Variants in ASH2L observed in about 807,000 individuals in gnomAD.
The protein encoded by ASH2L is set1/Ash2 histone methyltransferase complex subunit ASH2.
A neutral mutation model predicts 81.1 loss-of-function variants in ASH2L; 30 were observed. The observed-to-expected ratio is 0.37, with a 90% CI of 0.28 to 0.50. ASH2L has a LOEUF of 0.50. Ranked by LOEUF, ASH2L falls within the 20% of genes least tolerant of loss-of-function variation. The pLI, the probability that ASH2L is intolerant of heterozygous loss-of-function variation, is 0.95. For missense variants in ASH2L, 559 were observed against 792.1 expected, an observed-to-expected ratio of 0.71 and a Z score of 3.53; for synonymous variants, 273 against 279.9, an observed-to-expected ratio of 0.98 and a Z score of 0.24.
intron 12 of ASH2L, 23 bp downstream of exon 12, chr8:38,128,974 G>T (rs775855564): frequency 2.4e-5 from 38 of 1,601,806 alleles, no homozygotes; most frequent in Non-Finnish European, 1.7e-5. Flanking sequence ...TCTCCCGGCA[G>T]ATTCCTGGCT....
Position 38,128,310 on chromosome 8 carries a change from A to G in ASH2L, c.1185A>G (p.Ser395=), listed in dbSNP as rs1167300032. 1 of 1,614,072 alleles carries G rather than the reference A, an allele frequency of 6.2e-7. No homozygotes were observed. Among genetic ancestry groups the G allele is most frequent in the East Asian group, 2.2e-5 (1 of 44,900 alleles). ...LHDRAPQLKI[S]DDRLTVVGEK... is the part of the protein sequence containing the mutation. ...CCGCAGCTCCCCAGTTAAAGATCTC[A>G]GATGACCGGCTGACTGTGGTTGGAG... is the stretch of plus-strand genomic sequence containing the variant. The change falls in exon 11 of 16, where the codon TCA becomes TCG. Residue 395 remains serine, a synonymous_variant. Transcript: ENST00000343823.
At chr8:38,111,148 C>T (rs758205330) in intron 5 of ASH2L, among the ~76,000 whole-genome samples, 28 of 152,226 alleles carry the variant, frequency 1.8e-4, no homozygotes, top group Non-Finnish European at 3.5e-4. Flanking sequence ...GTTGGCCAGG[C>T]TCATCTCCAA....
In ASH2L at chr8:38,106,946, C is replaced by G. The variant is rs564457289; in HGVS notation, c.256-75C>G. 91 of 1,551,876 alleles carry G rather than the reference C, an allele frequency of 5.9e-5. No homozygotes were observed. In the African/African-American group the frequency reaches 1.1e-3, roughly 18 times the overall value. On this transcript the variant is annotated intron_variant, in intron 2 of 15. Transcript: ENST00000343823. ...AGCCTGGGCAACATAGGGAGACCCCCGTCTCTTAAAAAAATAAAATAAAGT... is the reference window on the plus strand; with the variant it reads ...AGCCTGGGCAACATAGGGAGACCCCGGTCTCTTAAAAAAATAAAATAAAGT...
At chr8:38,118,999 C>T (rs1287683298) in intron 8 of ASH2L, 8 of 312,516 alleles carry the variant, frequency 2.6e-5, no homozygotes, top group Non-Finnish European at 4.7e-5. Context: ...CCAATAGTTG[C>T]AGTTTATTAG....
intron 10 of ASH2L, chr8:38,122,447 T>C (rs1288865992): frequency 6.6e-6 from 1 of 152,126 alleles, no homozygotes; most frequent in Non-Finnish European, 1.5e-5. Context: ...TGTGCAAGAA[T>C]AACACACAAA....
chr8:38,118,678 G>A (rs1168959710), intron 8 of ASH2L, among the ~76,000 whole-genome samples: 1 of 152,236 alleles, frequency 6.6e-6, no homozygotes, highest in Non-Finnish European at 1.5e-5. Flanking sequence ...TGGAGATCTA[G>A]CAGTACTGGA....
intron 14 of ASH2L, among the ~76,000 whole-genome samples, chr8:38,136,772 CAAAAAA>C (rs77626059): frequency 8.4e-6 from 1 of 119,084 alleles, no homozygotes; most frequent in Admixed American, 8.8e-5. Flanking sequence ...GACTCTGTGT[CAAAAAA>C]AAAAAAAAGA....
At chr8:38,111,373 G>A (rs1176883854) in intron 5 of ASH2L, among the ~76,000 whole-genome samples, 1 of 152,186 alleles carries the variant, frequency 6.6e-6, no homozygotes, top group Non-Finnish European at 1.5e-5. Flanking sequence ...ACAGGTGTGA[G>A]CCACTGCACG....
intron 10 of ASH2L, chr8:38,124,766 GTAGAGAGATGAATTACAGTGAA>G (rs1214149583): frequency 1.3e-5 from 2 of 152,232 alleles, no homozygotes; most frequent in Non-Finnish European, 2.9e-5. Flanking sequence ...ATATGCAGAG[GTAGAGAGATGAATTACAGTGAA>G]TACCTGTCTT....
intron 1 of ASH2L, 45 bp downstream of exon 1, chr8:38,105,783 C>A: frequency 1.3e-6 from 2 of 1,497,566 alleles, no homozygotes; most frequent in South Asian, 2.7e-5. Flanking sequence ...GGGAGGCCCG[C>A]CCCTCGCGAA....
chr8:38,123,679 G>A (rs550655061), intron 10 of ASH2L, among the ~76,000 whole-genome samples: 26 of 152,024 alleles, frequency 1.7e-4, no homozygotes, highest in Admixed American at 3.3e-4. Flanking sequence ...TGTACAGAAC[G>A]GTTTACAAAA....
At chr8:38,116,323 G>A (rs1190108554) in intron 7 of ASH2L, among the ~76,000 whole-genome samples, 5 of 151,956 alleles carry the variant, frequency 3.3e-5, no homozygotes, top group African/African-American at 4.8e-5. Context: ...CCGATATCGC[G>A]CCACTGCACT....
chr8:38,137,548 G>C (rs1294893522), intron 14 of ASH2L: 1 of 152,076 alleles, frequency 6.6e-6, no homozygotes, highest in African/African-American at 2.4e-5. Context: ...GGGCAACAGA[G>C]CGAGACTCTG....
At position 38,139,342 on chromosome 8, in the gene ASH2L, C is replaced by T. The variant is rs982550795; in HGVS notation, c.*271C>T. 2.8e-5 allele frequency: 9 copies of T among 319,748 alleles called. No homozygotes were observed. Among genetic ancestry groups the T allele is most frequent in the African/African-American group, 1.7e-4 (8 of 47,642 alleles). 19.8% of individuals were successfully genotyped at this position (319,748 alleles called of 1,614,324 possible). A position where few individuals can be genotyped will look rare whatever the true frequency, so the allele number is the denominator to read the frequency against. ...CCCCTGTGAAATCGGTGCTGTACTGCATACCCTGCCAGCTGTGACTTGTTA... is the reference window on the plus strand; with the variant it reads ...CCCCTGTGAAATCGGTGCTGTACTGTATACCCTGCCAGCTGTGACTTGTTA... On this transcript the variant is annotated 3_prime_UTR_variant, in exon 16 of 16. Coordinates refer to ENST00000343823, the MANE Select transcript of ASH2L (RefSeq NM_004674.5).
chr8:38,105,651 C>A lies in ASH2L; in HGVS notation c.101C>A (p.Pro34Gln). Residue 34 changes from proline to glutamine, a missense_variant, in exon 1 of 16, where the codon CCG becomes CAG. Physicochemically the swap from Pro to Gln is moderately conservative, Grantham distance 76. This residue lies in a region of ASH2L where 145 missense variants were observed against 115.5 expected (regional missense o/e 1.26). Coordinates refer to ENST00000343823, the MANE Select transcript of ASH2L (RefSeq NM_004674.5). ...ATGAEEGEMK[P>Q]VAAGAAAPPG... ...GGGGCAGAAGAGGGGGAGATGAAGCCGGTGGCAGCGGGAGCAGCCGCTCCT... is the reference window on the plus strand; with the variant it reads ...GGGGCAGAAGAGGGGGAGATGAAGCAGGTGGCAGCGGGAGCAGCCGCTCCT... 1 of 1,596,090 alleles carries A rather than the reference C, an allele frequency of 6.3e-7. No individual in the cohort carries two copies. Among genetic ancestry groups the A allele is most frequent in the Non-Finnish European group, 8.5e-7 (1 of 1,173,086 alleles).
chr8:38,128,769 G>T lies in ASH2L; in HGVS notation c.1345G>T (p.Ala449Ser). 3.1e-6 allele frequency: 5 copies of T among 1,610,744 alleles called. No individual in the cohort carries two copies. Among genetic ancestry groups the T allele is most frequent in the Non-Finnish European group, 4.2e-6 (5 of 1,179,420 alleles). ...GWSQPLGNLQ[A>S]PLGYDKFSYS... ...TTTTATTGGGACAGGAAACCTTCAAGCTCCTTTAGGTTATGATAAATTTAG... is the reference window on the plus strand; with the variant it reads ...TTTTATTGGGACAGGAAACCTTCAATCTCCTTTAGGTTATGATAAATTTAG... Residue 449 changes from alanine (A) to serine (S), a missense_variant, in exon 12 of 16, where the codon GCT becomes TCT. Coordinates refer to ENST00000343823, the MANE Select transcript of ASH2L (RefSeq NM_004674.5).
intron 11 of ASH2L, 94 bp from the exon 12 acceptor site, chr8:38,128,664 A>G: frequency 6.5e-7 from 1 of 1,540,762 alleles, no homozygotes; most frequent in Non-Finnish European, 8.7e-7. Context: ...AAAATTGACC[A>G]AAAAACATAA....
chr8:38,107,489 G>C (rs1186206968), intron 3 of ASH2L, among the ~76,000 whole-genome samples: 2 of 152,020 alleles, frequency 1.3e-5, no homozygotes, highest in Non-Finnish European at 2.9e-5. Context: ...TTGGTGTTTT[G>C]GATTTTTCAG....
In ASH2L at chr8:38,106,366, A is replaced by G. The variant is rs1563248451; in HGVS notation, c.189-12A>G. 4 of 1,613,418 alleles carry G rather than the reference A, an allele frequency of 2.5e-6. No homozygotes were observed. The highest frequency in any genetic ancestry group is 1.7e-6 in the Non-Finnish European group (2 of 1,179,582). On this transcript the variant is annotated splice_polypyrimidine_tract_variant and intron_variant, in intron 1 of 15. Coordinates refer to ENST00000343823, the MANE Select transcript of ASH2L (RefSeq NM_004674.5). ...TGAGAATTCTTACTTGAGCGCTTTC[A>G]TTATCTTATAGGGAGGCAAACTTGG...
Sources: gnomAD v4.1 joint callset for allele counts (sites outside exome capture counted in the v4.1 genomes callset) on GRCh38, gnomAD v4.1.1 for gene constraint, gnomAD v4.1.1 regional missense constraint, MANE v1.5 for transcripts, NCBI Gene and HGNC (gene_info 2026-07-23, HGNC 2026-07-21) for gene names.